The following IQCM variants were observed in gnomAD, a reference collection of about 807,000 sequenced individuals.
IQCM encodes the protein IQ motif containing M.
A neutral mutation model predicts 57.6 loss-of-function variants in IQCM; 45 were observed. The observed-to-expected ratio is 0.78, with a 90% confidence interval of 0.62 to 1.00. The LOEUF (loss-of-function observed/expected upper bound fraction) is 1.00. Ranked by LOEUF, IQCM falls within the 50% of genes least tolerant of loss-of-function variation. The pLI, the probability that IQCM is intolerant of heterozygous loss-of-function variation, is 0.00. For missense variants in IQCM, 468 were observed against 511.6 expected, an observed-to-expected ratio of 0.91 and a Z score of 0.82; for synonymous variants, 148 against 158.9, an observed-to-expected ratio of 0.93 and a Z score of 0.51.
At chr4:149,359,959 C>T (rs947437096) in intron 13 of IQCM, among the ~76,000 whole-genome samples, 2 of 152,032 alleles carry the variant, frequency 1.3e-5, no homozygotes, top group Admixed American at 1.3e-4. Flanking sequence ...ATAAAGGGCA[C>T]TAGCTGAGAG....
rs546815846 is a variant in IQCM, at chr4:149,626,449, C to A, written c.566-5205G>T. Among the ~76,000 whole-genome samples, 81 of 104,442 alleles carry A rather than the reference C, an allele frequency of 7.8e-4. 2 individuals are homozygous for A. The South Asian group carries it at 0.025, about 33-fold the overall frequency. The allele number at this position is 104,442 out of a possible 152,430, so 68.5% of individuals were successfully genotyped here. ...CATACTATTTTGCTATCTGAAGGAA[C>A]CAGAAGTTTGTAGATAGCAAATACT... is the stretch of plus-strand genomic sequence containing the variant. On this transcript the variant is annotated intron_variant, in intron 7 of 13. Coordinates refer to ENST00000636793, the MANE Select transcript of IQCM (RefSeq NM_001363507.2).
At chr4:149,536,338 T>C (rs990647206) in intron 12 of IQCM, among the ~76,000 whole-genome samples, 10 of 152,024 alleles carry the variant, frequency 6.6e-5, no homozygotes, top group African/African-American at 2.2e-4. Context: ...TTTAGTAGCA[T>C]GGCTCCCTCT....
At chr4:149,539,941 T>C (rs562040541) in intron 12 of IQCM, among the ~76,000 whole-genome samples, 1 of 152,276 alleles carries the variant, frequency 6.6e-6, no homozygotes, top group South Asian at 2.1e-4. Flanking sequence ...ATAAGTCCAA[T>C]GGATATCCCA....
At chr4:149,535,811 A>T (rs1318334093) in intron 12 of IQCM, among the ~76,000 whole-genome samples, 1 of 152,092 alleles carries the variant, frequency 6.6e-6, no homozygotes, top group East Asian at 1.9e-4. Context: ...AACAACTCAC[A>T]TGACTGTAGG....
intron 13 of IQCM, among the ~76,000 whole-genome samples, chr4:149,431,503 TTATAG>T (rs1734859393): frequency 6.6e-6 from 1 of 152,046 alleles, no homozygotes; most frequent in Non-Finnish European, 1.5e-5. Flanking sequence ...AACATTTTAC[TTATAG>T]TAAAGTTCAT....
chr4:149,411,887 C>T (rs1733405896), intron 13 of IQCM, among the ~76,000 whole-genome samples: 1 of 152,072 alleles, frequency 6.6e-6, no homozygotes, highest in Non-Finnish European at 1.5e-5. Flanking sequence ...GAGATTGAGC[C>T]CAGATTGTTC....
chr4:149,356,857 T>A (rs1422760646), intron 13 of IQCM, among the ~76,000 whole-genome samples: 1 of 152,240 alleles, frequency 6.6e-6, no homozygotes, highest in Admixed American at 6.5e-5. Flanking sequence ...TTTCATCATA[T>A]TGATTCTTCC....
At chr4:149,812,503 G>GACACAC (rs71596217) in intron 2 of IQCM, among the ~76,000 whole-genome samples, 1 of 132,012 alleles carries the variant, frequency 7.6e-6, no homozygotes, top group Non-Finnish European at 1.7e-5. Flanking sequence ...CACACACACA[G>GACACAC]ACACACACAC....
chr4:149,802,578 G>C (rs1773701937), intron 2 of IQCM, among the ~76,000 whole-genome samples: 1 of 151,890 alleles, frequency 6.6e-6, no homozygotes, highest in African/African-American at 2.4e-5. Flanking sequence ...AGCTAATGGA[G>C]CATTCTCCAA....
intron 13 of IQCM, among the ~76,000 whole-genome samples, chr4:149,376,918 A>G (rs1270179145): frequency 6.6e-6 from 1 of 152,106 alleles, no homozygotes; most frequent in Non-Finnish European, 1.5e-5. Flanking sequence ...TGAAGGAAAA[A>G]TCAGTAGGGT....
chr4:149,735,481 T>C, intron 3 of IQCM, 23 bp from the exon 4 acceptor site: 3 of 1,061,802 alleles, frequency 2.8e-6, no homozygotes, highest in Non-Finnish European at 1.2e-6. Flanking sequence ...CAGAGAAACA[T>C]TTTTTAAGCA....
intron 12 of IQCM, among the ~76,000 whole-genome samples, chr4:149,445,526 G>T (rs1736414195): frequency 6.6e-6 from 1 of 151,774 alleles, no homozygotes; most frequent in South Asian, 2.1e-4. Flanking sequence ...AACCTGGTAA[G>T]ATCAAATATA....
At chr4:149,672,200 A>T (rs1489693259) in intron 7 of IQCM, among the ~76,000 whole-genome samples, 1 of 152,172 alleles carries the variant, frequency 6.6e-6, no homozygotes, top group African/African-American at 2.4e-5. Flanking sequence ...AAATTCTAAA[A>T]ATCAGAGCGG....
At chr4:149,360,498 C>G (rs1388261286) in intron 13 of IQCM, among the ~76,000 whole-genome samples, 1 of 152,098 alleles carries the variant, frequency 6.6e-6, no homozygotes, top group Admixed American at 6.6e-5. Context: ...TTGGCTGTGT[C>G]CCCACCAAAA....
At chr4:149,353,334 G>T (rs1728705559) in intron 13 of IQCM, among the ~76,000 whole-genome samples, 1 of 152,090 alleles carries the variant, frequency 6.6e-6, no homozygotes, top group South Asian at 2.1e-4. Context: ...ACTATTGGTG[G>T]GAATTTAGAT....
chr4:149,522,450 C>T (rs574658816), intron 12 of IQCM, among the ~76,000 whole-genome samples: 31 of 152,268 alleles, frequency 2.0e-4, no homozygotes, highest in African/African-American at 5.8e-4. Flanking sequence ...AACAAAATAA[C>T]GTAAGAAAAC....
intron 12 of IQCM, among the ~76,000 whole-genome samples, chr4:149,493,041 G>T (rs969807849): frequency 1.3e-5 from 2 of 151,996 alleles, no homozygotes; most frequent in Non-Finnish European, 2.9e-5. Flanking sequence ...GTGGGTATAA[G>T]ACTTACTTAT....
chr4:149,499,582 G>A (rs934036055), intron 12 of IQCM, among the ~76,000 whole-genome samples: 2 of 151,926 alleles, frequency 1.3e-5, no homozygotes, highest in Admixed American at 1.3e-4. Context: ...CCTCAGCGAA[G>A]CAAAAATTGC....
At chr4:149,549,287 G>A (rs1031544299) in intron 11 of IQCM, among the ~76,000 whole-genome samples, 2 of 151,930 alleles carry the variant, frequency 1.3e-5, no homozygotes, top group Non-Finnish European at 2.9e-5. Context: ...AGGCCGAGGC[G>A]GGCGGATCAC....
Sources: gnomAD v4.1 joint callset for allele counts (sites outside exome capture counted in the v4.1 genomes callset) on GRCh38, gnomAD v4.1.1 for gene constraint, MANE v1.5 for transcripts, NCBI Gene and HGNC (gene_info 2026-07-23, HGNC 2026-07-21) for gene names.